NOL7: variants seen among roughly 807,000 people sequenced by gnomAD.
NOL7 encodes the protein U3 small nucleolar RNA-associated protein NOL7.
A neutral mutation model predicts 38.4 loss-of-function variants in NOL7; 36 were observed. The observed-to-expected ratio is 0.94, with a 90% confidence interval of 0.72 to 1.24. The LOEUF (loss-of-function observed/expected upper bound fraction) is 1.24, where lower values mean the gene tolerates loss of function less well. Ranked by LOEUF, NOL7 falls within the 50% of genes most tolerant of loss-of-function variation. The probability of loss-of-function intolerance (pLI) is 0.00; values close to 1 mark genes in which losing one functional copy is unlikely to be tolerated. For missense variants in NOL7, 350 were observed against 315.1 expected, an observed-to-expected ratio of 1.11 and a Z score of -0.84; for synonymous variants, 142 against 126.5, an observed-to-expected ratio of 1.12 and a Z score of -0.82.
chr6:13,623,533 T>C (rs1157986112), downstream of NOL7, among the ~76,000 whole-genome samples: 2 of 152,124 alleles, frequency 1.3e-5, no homozygotes, highest in Non-Finnish European at 2.9e-5. Context: ...GGCACATAGA[T>C]TGATGAGAAA....
chr6:13,619,606 T>C (rs1764381205), intron 5 of NOL7, among the ~76,000 whole-genome samples: 1 of 152,264 alleles, frequency 6.6e-6, no homozygotes, highest in Non-Finnish European at 1.5e-5. Flanking sequence ...TTACTACATG[T>C]ATCCGAACAA....
At chr6:13,622,434 T>C (rs745325494), downstream of NOL7, 34 of 1,606,048 alleles carry the variant, frequency 2.1e-5, no homozygotes, top group Non-Finnish European at 2.2e-5. Flanking sequence ...GTCCTAGACA[T>C]TGTGTGGCCT....
At chr6:13,630,685 C>G (rs1397286386) in intron 8 of NOL7, among the ~76,000 whole-genome samples, 1 of 152,126 alleles carries the variant, frequency 6.6e-6, no homozygotes, top group Non-Finnish European at 1.5e-5. Context: ...TTCATTTCCT[C>G]TGACTATATA....
chr6:13,615,396 C>T lies in NOL7; in HGVS notation c.38C>T (p.Ala13Val), dbSNP rs1022508478. 7.8e-6 allele frequency: 12 copies of T among 1,531,328 alleles called. No homozygotes were observed. In the South Asian group the frequency reaches 8.6e-5, roughly 11 times the overall value. 94.9% of individuals were successfully genotyped at this position (1,531,328 alleles called of 1,614,324 possible). Residue 13 changes from alanine to valine, a missense_variant, in exon 1 of 8, where the codon GCG becomes GTG. Physicochemically the swap from Ala to Val is moderately conservative, Grantham distance 64. Transcript: ENST00000451315. Reference protein sequence around the residue: ...QLRPRASRAPASAEAMVDEGQ... With the variant: ...QLRPRASRAPVSAEAMVDEGQ... ...CGACCGCGAGCGTCTCGCGCCCCGG[C>T]GTCGGCGGAGGCGATGGTGGACGAG...
chr6:13,623,529 T>C (rs74455998), downstream of NOL7, among the ~76,000 whole-genome samples: 7 of 152,066 alleles, frequency 4.6e-5, no homozygotes, highest in Admixed American at 1.3e-4. Flanking sequence ...AAAGGGCACA[T>C]AGATTGATGA....
chr6:13,622,165 A>C (rs944177767), downstream of NOL7: 1 of 436,118 alleles, frequency 2.3e-6, no homozygotes, highest in Non-Finnish European at 3.7e-6. Flanking sequence ...TAAGAGGTTA[A>C]AGATGGAAAA....
At chr6:13,618,398 C>T (rs1764343920) in intron 5 of NOL7, among the ~76,000 whole-genome samples, 1 of 151,464 alleles carries the variant, frequency 6.6e-6, no homozygotes, top group Admixed American at 6.6e-5. Context: ...CAGGCGCCCG[C>T]CACCGCGCCC....
downstream of NOL7, chr6:13,625,585 G>T: frequency 8.7e-7 from 1 of 1,152,482 alleles, no homozygotes; most frequent in Non-Finnish European, 1.3e-6. Context: ...GTAAATGCCA[G>T]TACAAACACC....
chr6:13,616,084 G>C (rs944531310), intron 2 of NOL7, among the ~76,000 whole-genome samples: 4 of 152,182 alleles, frequency 2.6e-5, no homozygotes, highest in Non-Finnish European at 4.4e-5. Flanking sequence ...GAAAATAAGA[G>C]GTTGCTGTGA....
chr6:13,619,374 T>C (rs1392956526), intron 5 of NOL7, among the ~76,000 whole-genome samples: 1 of 152,278 alleles, frequency 6.6e-6, no homozygotes, highest in African/African-American at 2.4e-5. Context: ...CTGTAGTATC[T>C]GTCTTGAAGT....
downstream of NOL7, among the ~76,000 whole-genome samples, chr6:13,623,721 T>A (rs1228043471): frequency 6.6e-6 from 1 of 152,176 alleles, no homozygotes; most frequent in South Asian, 2.1e-4. Context: ...TAGCATGGTA[T>A]TTATAAACAT....
rs1764245636 is a variant in NOL7, at chr6:13,615,390, C to T, written c.32C>T (p.Ala11Val). MVQLRPRASR[A>V]PASAEAMVDE... is the part of the protein sequence containing the mutation. ...CAGCTCCGACCGCGAGCGTCTCGCG[C>T]CCCGGCGTCGGCGGAGGCGATGGTG... The change falls in exon 1 of 8, where the codon GCC (alanine) becomes GTC (valine). Residue 11 changes from alanine (A) to valine (V), a missense_variant. By Grantham distance (64) the Ala-to-Val change is moderately conservative. Coordinates refer to ENST00000451315, the MANE Select transcript of NOL7 (RefSeq NM_016167.5). 1.3e-6 allele frequency: 2 copies of T among 1,526,254 alleles called. No individual in the cohort carries two copies. The highest frequency in any genetic ancestry group is 2.2e-4 in the Middle Eastern group (1 of 4,464). The allele number at this position is 1,526,254 out of a possible 1,614,324, so 94.5% of individuals were successfully genotyped here.
chr6:13,620,912 TA>T lies in NOL7; in HGVS notation c.*90del, dbSNP rs762347409. ...CATAGATCATTTTAAAGGATCATTA[TA>T]AAAATCATAAACCTATTTGAGGAAG... On this transcript the variant is annotated 3_prime_UTR_variant, in exon 8 of 8. Transcript: ENST00000451315. 1 of 844,494 alleles carries T rather than the reference TA, an allele frequency of 1.2e-6. No homozygotes were observed. 52.3% of individuals were successfully genotyped at this position (844,494 alleles called of 1,614,324 possible).
exon 9 of NOL7, chr6:13,632,461 C>T (rs1764816516): frequency 6.2e-7 from 1 of 1,613,924 alleles, no homozygotes. Context: ...GTGGATCATT[C>T]TTTCTATGGC....
rs547459031 is a variant in NOL7, at chr6:13,616,380, T to C, written c.328-83T>C. On this transcript the variant is annotated intron_variant, in intron 2 of 7. Transcript: ENST00000451315. ...TTCTTTGCCTAGATGTAGGGCATTC[T>C]TAAAAGCGGTAACTTCAGAAGCAAC... The C allele has an allele frequency of 5.3e-6, 5 of 945,704 alleles. No individual in the cohort carries two copies. In the East Asian group the frequency reaches 1.2e-4, roughly 24 times the overall value. 58.6% of individuals were successfully genotyped at this position (945,704 alleles called of 1,614,324 possible).
In NOL7 at chr6:13,616,882, TC is replaced by T. The variant is rs1201109294; in HGVS notation, c.386+364del. On this transcript the variant is annotated intron_variant, in intron 3 of 7. Coordinates refer to ENST00000451315, the MANE Select transcript of NOL7 (RefSeq NM_016167.5). ...CCACAGGCTCTGAAAACTTGATTTG[TC>T]CCATACTTGCCTTACCTGCCACCAA... Among the ~76,000 whole-genome samples, 6 of 152,332 alleles carry T rather than the reference TC, an allele frequency of 3.9e-5. No individual in the cohort carries two copies. In the South Asian group the frequency reaches 6.2e-4, roughly 16 times the overall value.
intron 2 of NOL7, 101 bp downstream of exon 2, chr6:13,615,873 A>G: frequency 8.4e-7 from 1 of 1,190,144 alleles, no homozygotes; most frequent in Non-Finnish European, 1.2e-6. Context: ...GAGTGGGGAA[A>G]CAGTCACCAA....
chr6:13,623,007 G>T (rs1764497293), downstream of NOL7, among the ~76,000 whole-genome samples: 4 of 152,120 alleles, frequency 2.6e-5, no homozygotes, highest in South Asian at 8.3e-4. Context: ...AGTGGTGGTG[G>T]TGACAGTGAG....
At chr6:13,628,488 C>G (rs1446647990) in intron 8 of NOL7, among the ~76,000 whole-genome samples, 1 of 152,064 alleles carries the variant, frequency 6.6e-6, no homozygotes, top group African/African-American at 2.4e-5. Context: ...TCAAGTTTTT[C>G]CAATAAGGAA....
Sources: gnomAD v4.1 joint callset for allele counts (sites outside exome capture counted in the v4.1 genomes callset) on GRCh38, gnomAD v4.1.1 for gene constraint, MANE v1.5 for transcripts, NCBI Gene and HGNC (gene_info 2026-07-23, HGNC 2026-07-21) for gene names.